CASK: variants seen among roughly 807,000 people sequenced by gnomAD.
CASK encodes peripheral plasma membrane protein CASK.
Under a neutral mutation model 82.9 loss-of-function variants are expected in CASK, and 4 were observed. The observed-to-expected ratio is 0.05, with a 90% CI of 0.02 to 0.11. CASK has a LOEUF of 0.11. Ranked by LOEUF, CASK falls within the 10% of genes least tolerant of loss-of-function variation. The pLI, the probability that CASK is intolerant of heterozygous loss-of-function variation, is 1.00. For missense variants in CASK, 358 were observed against 720.9 expected, an observed-to-expected ratio of 0.50 and a Z score of 5.76; for synonymous variants, 259 against 253.5, an observed-to-expected ratio of 1.02 and a Z score of -0.20.
chrX:41,922,795 T>C, intron 1 of CASK, 135 bp downstream of exon 1: 2 of 572,814 alleles, frequency 3.5e-6, no homozygotes, highest in East Asian at 3.7e-5. Flanking sequence ...CTATAAATAC[T>C]CCAGGATGAG....
At chrX:41,603,637 T>C (rs2065922196) in intron 12 of CASK, among the ~76,000 whole-genome samples, 1 of 112,178 alleles carries the variant, frequency 8.9e-6, no homozygotes, top group Non-Finnish European at 1.9e-5. Context: ...CATCAATAAA[T>C]TGCTATATTA....
chrX:41,846,583 A>T (rs1182755045), intron 2 of CASK, among the ~76,000 whole-genome samples: 2 of 111,589 alleles, frequency 1.8e-5, no homozygotes, highest in Admixed American at 1.9e-4. Flanking sequence ...TGTACATTTT[A>T]AAATAACTGA....
intron 21 of CASK, among the ~76,000 whole-genome samples, chrX:41,545,161 G>A (rs1382241540): frequency 1.8e-5 from 2 of 110,702 alleles, no homozygotes; most frequent in Non-Finnish European, 3.8e-5. Context: ...GAGTAGCTGG[G>A]ATTACAGGTG....
At chrX:41,775,284 C>A (rs1186133365) in intron 3 of CASK, among the ~76,000 whole-genome samples, 4 of 111,840 alleles carry the variant, frequency 3.6e-5, no homozygotes, top group Admixed American at 2.8e-4. Flanking sequence ...ACATTAAAAA[C>A]TGCTCACCAT....
intron 3 of CASK, among the ~76,000 whole-genome samples, chrX:41,767,070 A>G (rs1229169661): frequency 8.9e-6 from 1 of 111,891 alleles, no homozygotes; most frequent in Non-Finnish European, 1.9e-5. Context: ...GTGTAAACTC[A>G]TGGTTTCTTT....
chrX:41,787,099 TC>T, intron 3 of CASK, 78 bp downstream of exon 3: 1 of 623,213 alleles, frequency 1.6e-6, no homozygotes, highest in Non-Finnish European at 2.8e-6. Context: ...CTGCTAAATT[TC>T]AAGAGAAAAG....
At chrX:41,589,491 A>C in intron 13 of CASK, 24 bp downstream of exon 13, 1 of 1,095,918 alleles carries the variant, frequency 9.1e-7, no homozygotes, top group Non-Finnish European at 1.3e-6. Flanking sequence ...GATGCCAAAT[A>C]CTTCTATAAA....
intron 3 of CASK, among the ~76,000 whole-genome samples, chrX:41,759,395 G>GT (rs1463652480): frequency 8.9e-6 from 1 of 112,040 alleles, no homozygotes; most frequent in Non-Finnish European, 1.9e-5. Context: ...CTAAAAAGCT[G>GT]TTTTTTCTTT....
Position 41,744,470 on chromosome X carries a change from C to A in CASK, c.356+1054G>T, listed in dbSNP as rs571464265. On this transcript the variant is annotated intron_variant, in intron 4 of 26. Transcript: ENST00000378163. Reference sequence around the variant, plus strand: ...ATGCCATTCTCCTGCCTCAGCCTCCCGAGTAGCTGGGACTACAGGCTCCCG... The same window carrying A: ...ATGCCATTCTCCTGCCTCAGCCTCCAGAGTAGCTGGGACTACAGGCTCCCG... Among the ~76,000 whole-genome samples the A allele has an allele frequency of 2.4e-4, 27 of 110,307 alleles. No homozygotes were observed. The South Asian group carries it at 7.5e-3, about 31-fold the overall frequency.
At chrX:41,579,425 T>C (rs937488403) in intron 14 of CASK, among the ~76,000 whole-genome samples, 3 of 111,954 alleles carry the variant, frequency 2.7e-5, no homozygotes, top group African/African-American at 9.7e-5. Context: ...AGAAAGTGAT[T>C]TCTTTGAACT....
At chrX:41,551,471 T>A (rs1435633990) in intron 21 of CASK, among the ~76,000 whole-genome samples, 1 of 111,873 alleles carries the variant, frequency 8.9e-6, no homozygotes, top group Admixed American at 9.5e-5. Context: ...CAACTTGTAC[T>A]GGCCTTAGAT....
chrX:41,559,428 G>C, intron 18 of CASK: 1 of 219,007 alleles, frequency 4.6e-6, no homozygotes, highest in Non-Finnish European at 8.5e-6. Context: ...CTTAACAAGG[G>C]AAGTGAATGA....
intron 3 of CASK, among the ~76,000 whole-genome samples, chrX:41,748,027 T>G (rs1011434276): frequency 8.9e-6 from 1 of 112,204 alleles, no homozygotes; most frequent in African/African-American, 3.2e-5. Context: ...CTATGAGGAC[T>G]AAAAAACATC....
chrX:41,811,911 C>T (rs1383248823), intron 2 of CASK, among the ~76,000 whole-genome samples: 1 of 111,501 alleles, frequency 9.0e-6, no homozygotes, highest in Non-Finnish European at 1.9e-5. Flanking sequence ...GGGGATATCA[C>T]CACCAATCCC....
At chrX:41,702,093 A>T (rs1005869718) in intron 5 of CASK, among the ~76,000 whole-genome samples, 26 of 112,226 alleles carry the variant, frequency 2.3e-4, no homozygotes, top group African/African-American at 8.1e-4. Context: ...TGTCAAAAAA[A>T]ACAAAATCTT....
At chrX:41,811,882 C>T (rs1442271397) in intron 2 of CASK, among the ~76,000 whole-genome samples, 19 of 111,128 alleles carry the variant, frequency 1.7e-4, no homozygotes, top group African/African-American at 4.2e-4. Context: ...ATCAAATAGA[C>T]GCAATAAAAA....
At chrX:41,669,959 G>T (rs761784106) in intron 6 of CASK, among the ~76,000 whole-genome samples, 92 of 111,962 alleles carry the variant, frequency 8.2e-4, no homozygotes, top group African/African-American at 2.9e-3. Context: ...ACAGATGAAC[G>T]GTTATCATAC....
intron 1 of CASK, among the ~76,000 whole-genome samples, chrX:41,879,540 A>G (rs957252514): frequency 2.7e-5 from 3 of 111,969 alleles, no homozygotes; most frequent in Non-Finnish European, 5.7e-5. Context: ...CACGTAACAA[A>G]CCATGGAAAG....
At chrX:41,855,052 C>T (rs2071343632) in intron 1 of CASK, among the ~76,000 whole-genome samples, 1 of 111,757 alleles carries the variant, frequency 8.9e-6, no homozygotes, top group Non-Finnish European at 1.9e-5. Flanking sequence ...TGGAAACTTC[C>T]CAACATCTGT....
Sources: allele counts gnomAD v4.1 joint callset (sites outside exome capture counted in the v4.1 genomes callset), GRCh38; gene constraint gnomAD v4.1.1; transcripts MANE v1.5; gene names NCBI Gene and HGNC (gene_info 2026-07-23, HGNC 2026-07-21).